C14orf132: variants seen among roughly 807,000 people sequenced by gnomAD.
C14orf132 encodes the protein uncharacterized protein C14orf132.
Under a neutral mutation model 5.8 loss-of-function variants are expected in C14orf132, and 6 were observed. That is an observed-to-expected ratio of 1.03 (90% CI 0.57 to 2.04). C14orf132 has a LOEUF of 2.04. Ranked by LOEUF, C14orf132 falls within the 30% of genes most tolerant of loss-of-function variation. C14orf132 has a pLI of 0.00. For missense variants in C14orf132, 125 were observed against 115.8 expected (o/e 1.08, Z -0.37); for synonymous variants, 51 against 49.8 (o/e 1.02, Z -0.10).
At chr14:96,049,111 A>G (rs1169949154) in intron 1 of C14orf132, among the ~76,000 whole-genome samples, 2 of 151,962 alleles carry the variant, frequency 1.3e-5, no homozygotes, top group Middle Eastern at 3.2e-3. Context: ...TTTATAGTAG[A>G]GACAGGGTTT....
rs189031031 is a variant in C14orf132 at position 96,056,812 on chromosome 14, C to G, written c.27+17285C>G. On this transcript the variant is annotated intron_variant, in intron 1 of 1. Coordinates refer to ENST00000555004, the MANE Select transcript of C14orf132 (RefSeq NM_001252507.3). ...CCCCGGTCCAAATTCTTTATAGCCT[C>G]ACACAATTTATCTGCACCTCACCTG... Among the ~76,000 whole-genome samples the G allele has an allele frequency of 5.6e-3, 853 of 152,256 alleles. 9 individuals are homozygous for G. The highest frequency in any genetic ancestry group is 0.02 in the African/African-American group (821 of 41,534).
At chr14:96,074,866 G>GTTTTT (rs33947260) in intron 1 of C14orf132, among the ~76,000 whole-genome samples, 1 of 150,432 alleles carries the variant, frequency 6.6e-6, no homozygotes, top group African/African-American at 2.4e-5. Flanking sequence ...CACCAAATTT[G>GTTTTT]TTTTCTTTTT....
intron 1 of C14orf132, among the ~76,000 whole-genome samples, chr14:96,074,792 TA>T (rs1887813276): frequency 1.9e-5 from 2 of 104,400 alleles, no homozygotes; most frequent in African/African-American, 7.1e-5. Flanking sequence ...ATCCTTTTGC[TA>T]ACACTACACT....
chr14:96,068,001 G>A (rs1595181325), intron 1 of C14orf132, among the ~76,000 whole-genome samples: 1 of 152,124 alleles, frequency 6.6e-6, no homozygotes, highest in East Asian at 1.9e-4. Context: ...CCTGTAACGT[G>A]CTCAGCCCAT....
Position 96,039,670 on chromosome 14 carries a change from C to G in C14orf132, c.27+143C>G, listed in dbSNP as rs1027626484. On this transcript the variant is annotated intron_variant, in intron 1 of 1. Coordinates refer to ENST00000555004, the MANE Select transcript of C14orf132 (RefSeq NM_001252507.3). The surrounding 1 kb of genome is among the most constrained non-coding windows in gnomAD (Gnocchi z 5.3). ...GTCCTTTGTCCCGAGCCGGACACCC[C>G]CACTTGGTGCACGCGTCGGGGGCGG... 1.2e-6 allele frequency: 1 copy of G among 850,946 alleles called. No homozygotes were observed. The highest frequency in any genetic ancestry group is 1.6e-6 in the Non-Finnish European group (1 of 627,210). The allele number at this position is 850,946 out of a possible 1,614,324, so 52.7% of individuals were successfully genotyped here.
chr14:96,081,433 C>T (rs1358270343), intron 1 of C14orf132, among the ~76,000 whole-genome samples: 1 of 152,182 alleles, frequency 6.6e-6, no homozygotes, highest in Non-Finnish European at 1.5e-5. Flanking sequence ...TCATCACGCC[C>T]TCAGGATTCT....
At chr14:96,058,959 G>A (rs151104544) in intron 1 of C14orf132, among the ~76,000 whole-genome samples, 3 of 152,152 alleles carry the variant, frequency 2.0e-5, no homozygotes, top group African/African-American at 7.2e-5. Flanking sequence ...TTTGAAGAGG[G>A]GCTCAAGATT....
At chr14:96,081,355 T>A (rs1888027359) in intron 1 of C14orf132, among the ~76,000 whole-genome samples, 1 of 152,206 alleles carries the variant, frequency 6.6e-6, no homozygotes, top group East Asian at 1.9e-4. Flanking sequence ...GAGAAACCTC[T>A]GCCTCAGAGA....
At position 96,093,207 on chromosome 14, in the gene C14orf132, C is replaced by T. The variant is rs1214007962; in HGVS notation, c.*6472C>T. 6.6e-6 allele frequency: 1 copy of T among 152,238 alleles called. No homozygotes were observed. The highest frequency in any genetic ancestry group is 2.4e-5 in the African/African-American group (1 of 41,456). 9.4% of individuals were successfully genotyped at this position (152,238 alleles called of 1,614,324 possible). ...TTAGAAATCCATGTGACTGTTTCCA[C>T]CATCTTGGGCATTTGTGGGGACCCC... is the stretch of plus-strand genomic sequence containing the variant. On this transcript the variant is annotated 3_prime_UTR_variant, in exon 2 of 2. Coordinates refer to ENST00000555004, the MANE Select transcript of C14orf132 (RefSeq NM_001252507.3).
At chr14:96,068,088 C>T (rs1039279161) in intron 1 of C14orf132, among the ~76,000 whole-genome samples, 1 of 152,180 alleles carries the variant, frequency 6.6e-6, no homozygotes, top group South Asian at 2.1e-4. Context: ...ATTGAAGACT[C>T]TCCAGCATGG....
At chr14:96,041,521 G>A (rs1041686971) in intron 1 of C14orf132, among the ~76,000 whole-genome samples, 1 of 152,228 alleles carries the variant, frequency 6.6e-6, no homozygotes, top group African/African-American at 2.4e-5. Context: ...TGGGAAGTGG[G>A]CTTACTATTG....
intron 1 of C14orf132, chr14:96,051,275 C>A: frequency 2.5e-6 from 1 of 398,498 alleles, no homozygotes; most frequent in South Asian, 1.3e-4. Flanking sequence ...GTCTTTGATT[C>A]AGGTGTGGGG....
At chr14:96,043,567 G>A (rs890682279) in intron 1 of C14orf132, among the ~76,000 whole-genome samples, 3 of 152,138 alleles carry the variant, frequency 2.0e-5, no homozygotes, top group African/African-American at 4.8e-5. Flanking sequence ...CAAGAGTCCT[G>A]CTGCCCAGGT....
chr14:96,040,622 G>A (rs1886666131), intron 1 of C14orf132, among the ~76,000 whole-genome samples: 1 of 152,164 alleles, frequency 6.6e-6, no homozygotes, highest in African/African-American at 2.4e-5. Context: ...TGTGGACAGC[G>A]AGTCTGCAAA....
chr14:96,039,666 A>C lies in C14orf132; in HGVS notation c.27+139A>C. ...CCCGGTCCTTTGTCCCGAGCCGGAC[A>C]CCCCCACTTGGTGCACGCGTCGGGG... On this transcript the variant is annotated intron_variant, in intron 1 of 1. Coordinates refer to ENST00000555004, the MANE Select transcript of C14orf132 (RefSeq NM_001252507.3). The surrounding 1 kb of genome is among the most constrained non-coding windows in gnomAD (Gnocchi z 5.3). 1.1e-6 allele frequency: 1 copy of C among 899,102 alleles called. No individual in the cohort carries two copies. Among genetic ancestry groups the C allele is most frequent in the Non-Finnish European group, 1.5e-6 (1 of 671,624 alleles). 55.7% of individuals were successfully genotyped at this position (899,102 alleles called of 1,614,324 possible).
intron 1 of C14orf132, among the ~76,000 whole-genome samples, chr14:96,045,553 G>C (rs888651017): frequency 1.3e-5 from 2 of 152,224 alleles, no homozygotes; most frequent in African/African-American, 4.8e-5. Flanking sequence ...AGCTTGGCCA[G>C]CCTGGCCTGG....
intron 1 of C14orf132, among the ~76,000 whole-genome samples, chr14:96,066,297 T>C (rs1369026415): frequency 6.6e-6 from 1 of 152,206 alleles, no homozygotes; most frequent in African/African-American, 2.4e-5. Flanking sequence ...GCAGGGCAAG[T>C]GCTTCTTCCA....
intron 1 of C14orf132, among the ~76,000 whole-genome samples, chr14:96,052,802 G>T (rs934072263): frequency 6.6e-6 from 1 of 152,002 alleles, no homozygotes; most frequent in Non-Finnish European, 1.5e-5. Flanking sequence ...CAGGCATTCT[G>T]CGCAGTACCC....
intron 1 of C14orf132, among the ~76,000 whole-genome samples, chr14:96,053,101 T>TTTTAAATGG (rs1887076015): frequency 1.5e-4 from 23 of 152,280 alleles, no homozygotes; most frequent in Admixed American, 1.4e-3. Flanking sequence ...GGATGGCTGG[T>TTTTAAATGG]CACCCTACCC....
Sources: allele counts gnomAD v4.1 joint callset (sites outside exome capture counted in the v4.1 genomes callset), GRCh38; gene constraint gnomAD v4.1.1; non-coding constraint Gnocchi (gnomAD v3.1); transcripts MANE v1.5; gene names NCBI Gene and HGNC (gene_info 2026-07-23, HGNC 2026-07-21).